Variants in MRTFB observed in about 807,000 individuals in gnomAD.
The protein encoded by MRTFB is myocardin related transcription factor B, also known as myocardin-related transcription factor B.
MRTFB carries 29 observed loss-of-function variants against 104.2 expected under a neutral mutation model. The observed-to-expected ratio is 0.28, with a 90% confidence interval of 0.21 to 0.38. MRTFB has a LOEUF of 0.38. MRTFB is among the 10% of genes least tolerant of loss of function. The probability of loss-of-function intolerance (pLI) is 1.00; values close to 1 mark genes in which losing one functional copy is unlikely to be tolerated. For synonymous variants in MRTFB, 535 were observed against 519.5 expected, an observed-to-expected ratio of 1.03 and a Z score of -0.41; for missense variants, 1,270 against 1,341.6, an observed-to-expected ratio of 0.95 and a Z score of 0.83.
At chr16:14,236,670 C>G (rs776232399) in intron 9 of MRTFB, among the ~76,000 whole-genome samples, 3 of 152,102 alleles carry the variant, frequency 2.0e-5, no homozygotes, top group African/African-American at 2.4e-5. Flanking sequence ...AAAATTTGAC[C>G]AAGGCAGCCA....
chr16:14,214,020 A>G (rs1351251430), intron 6 of MRTFB, among the ~76,000 whole-genome samples: 1 of 152,142 alleles, frequency 6.6e-6, no homozygotes, highest in Non-Finnish European at 1.5e-5. Context: ...TACAGTGCCC[A>G]CACCCAACAT....
At chr16:14,249,251 C>G (rs58320420) in intron 13 of MRTFB, among the ~76,000 whole-genome samples, 170 bp downstream of exon 13, 4,265 of 152,272 alleles carry the variant, frequency 0.028, 216 homozygotes, top group African/African-American at 0.097. Context: ...TGCAGATTTC[C>G]CAGTTATTTG....
intron 13 of MRTFB, 99 bp from the exon 14 acceptor site, chr16:14,251,763 A>C (rs533468706): frequency 7.7e-7 from 1 of 1,299,532 alleles, no homozygotes; most frequent in Non-Finnish European, 1.1e-6. Context: ...AGCCCTTTAC[A>C]GAAAAAGTTT....
chr16:14,217,805 T>C (rs1597278130), intron 7 of MRTFB, among the ~76,000 whole-genome samples: 1 of 152,256 alleles, frequency 6.6e-6, no homozygotes, highest in South Asian at 2.1e-4. Flanking sequence ...CTAGGAAATA[T>C]AAATAGCATG....
chr16:14,101,480 T>G (rs1442571648), intron 2 of MRTFB, among the ~76,000 whole-genome samples: 1 of 152,202 alleles, frequency 6.6e-6, no homozygotes, highest in African/African-American at 2.4e-5. Flanking sequence ...TATTTTACAT[T>G]GACTACACAT....
the MRTFB span, among the ~76,000 whole-genome samples, chr16:14,051,869 T>C: frequency 6.6e-6 from 1 of 152,194 alleles, no homozygotes; most frequent in Admixed American, 6.5e-5. Context: ...TCCACCTTTT[T>C]TCTGATCAGA....
chr16:14,261,236 C>T lies in MRTFB; in HGVS notation c.3092C>T (p.Ser1031Leu), dbSNP rs775429989. 1.2e-6 allele frequency: 2 copies of T among 1,614,080 alleles called. No individual in the cohort carries two copies. Among genetic ancestry groups the T allele is most frequent in the South Asian group, 1.1e-5 (1 of 91,082 alleles). The change falls in exon 17 of 17, where the codon TCA becomes TTA. Residue 1031 changes from serine to leucine, a missense_variant. Ser to Leu is a moderately radical substitution (Grantham distance 145, BLOSUM62 -2). Transcript: ENST00000571589. Reference sequence around the variant, plus strand: ...TCAGGTATGCTGGACCATTCACACTCACCCATGGAGACTTCCGAGACCCAG... The same window carrying T: ...TCAGGTATGCTGGACCATTCACACTTACCCATGGAGACTTCCGAGACCCAG... ...SHSGMLDHSH[S>L]PMETSETQFA...
the MRTFB span, among the ~76,000 whole-genome samples, chr16:14,040,448 T>C: frequency 6.7e-6 from 1 of 149,688 alleles, no homozygotes; most frequent in South Asian, 2.2e-4. Context: ...TTTCCGTTGC[T>C]CTATAATATT....
chr16:14,082,645 T>G (rs1279957811), intron 2 of MRTFB, among the ~76,000 whole-genome samples: 1 of 152,000 alleles, frequency 6.6e-6, no homozygotes, highest in Non-Finnish European at 1.5e-5. Context: ...CCAGGTGTGG[T>G]CATTTGTACC....
At chr16:14,002,297 C>T in the MRTFB span, among the ~76,000 whole-genome samples, 1 of 151,678 alleles carries the variant, frequency 6.6e-6, no homozygotes, top group Non-Finnish European at 1.5e-5. Context: ...GCAGGAGAAT[C>T]GCTTGAATCC....
Position 14,194,933 on chromosome 16 carries a change from C to T in MRTFB, c.155-15310C>T, listed in dbSNP as rs775802917. ...GAGCCCACATTAAAGCTCCGTTTGA[C>T]GCACTTGGCCATCCTTCCCAGTGTG... On this transcript the variant is annotated intron_variant, in intron 3 of 16. Coordinates refer to ENST00000571589, the MANE Select transcript of MRTFB (RefSeq NM_001308142.2). Among the ~76,000 whole-genome samples the T allele has an allele frequency of 1.1e-4, 17 of 152,092 alleles. No individual in the cohort carries two copies. In the East Asian group the frequency reaches 1.2e-3, roughly 10 times the overall value.
chr16:14,167,500 T>C (rs1249132513), intron 3 of MRTFB, among the ~76,000 whole-genome samples: 2 of 152,208 alleles, frequency 1.3e-5, no homozygotes, highest in Non-Finnish European at 2.9e-5. Flanking sequence ...TTTTGCTCTT[T>C]AGTTTAATTA....
intron 2 of MRTFB, among the ~76,000 whole-genome samples, chr16:14,137,810 T>C (rs80162039): frequency 0.055 from 8,339 of 152,156 alleles, 788 homozygotes; most frequent in African/African-American, 0.19. Flanking sequence ...ATGTCACTTA[T>C]ATGCATACAT....
intron 3 of MRTFB, among the ~76,000 whole-genome samples, chr16:14,185,953 C>A (rs1350984942): frequency 6.6e-6 from 1 of 152,118 alleles, no homozygotes; most frequent in East Asian, 1.9e-4. Context: ...GAGAGGTGCC[C>A]ATCCTTGATA....
intron 15 of MRTFB, among the ~76,000 whole-genome samples, chr16:14,254,587 G>A (rs1471784260): frequency 3.9e-5 from 6 of 152,240 alleles, no homozygotes; most frequent in East Asian, 1.9e-4. Context: ...CCATACAGGC[G>A]TGGAATGGAC....
intron 1 of MRTFB, among the ~76,000 whole-genome samples, chr16:14,071,965 TC>T (rs1012883346): frequency 6.6e-6 from 1 of 152,000 alleles, no homozygotes; most frequent in African/African-American, 2.4e-5. Context: ...CCTAAAAGGG[TC>T]CCCGATCCCC....
At chr16:14,112,399 T>C (rs1164470819) in intron 2 of MRTFB, among the ~76,000 whole-genome samples, 2 of 152,062 alleles carry the variant, frequency 1.3e-5, no homozygotes, top group Non-Finnish European at 2.9e-5. Flanking sequence ...GGTAGGAAAT[T>C]CAAAGCTGAG....
chr16:14,196,835 A>T (rs2040452217), intron 3 of MRTFB, among the ~76,000 whole-genome samples: 2 of 152,178 alleles, frequency 1.3e-5, no homozygotes, highest in African/African-American at 4.8e-5. Context: ...TCCACTTTTT[A>T]AAATTCCTTG....
At chr16:14,227,200 C>A (rs867823447) in intron 8 of MRTFB, among the ~76,000 whole-genome samples, 3 of 151,980 alleles carry the variant, frequency 2.0e-5, no homozygotes, top group Admixed American at 1.3e-4. Flanking sequence ...GGGGGCAGAT[C>A]CCTCATGAAT....
Sources: gnomAD v4.1 joint callset for allele counts (sites outside exome capture counted in the v4.1 genomes callset) on GRCh38, gnomAD v4.1.1 for gene constraint, MANE v1.5 for transcripts, NCBI Gene and HGNC (gene_info 2026-07-23, HGNC 2026-07-21) for gene names.